GRIK5: variants seen among roughly 807,000 people sequenced by gnomAD.
GRIK5 encodes glutamate ionotropic receptor kainate type subunit 5, also known as glutamate receptor ionotropic, kainate 5.
In GRIK5, 43 loss-of-function variants were observed where a neutral mutation model predicts 97.4. The ratio of observed to expected loss-of-function variants is 0.44; its 90% CI spans 0.35 to 0.57. GRIK5 has a LOEUF of 0.57. Ranked by LOEUF, GRIK5 falls within the 20% of genes least tolerant of loss-of-function variation. The pLI is 0.01. For missense variants in GRIK5, 1,015 were observed against 1,382.0 expected, an observed-to-expected ratio of 0.73 and a Z score of 4.21; for synonymous variants, 580 against 583.5, an observed-to-expected ratio of 0.99 and a Z score of 0.09.
At chr19:42,001,858 G>C in intron 19 of GRIK5, 1 of 490,696 alleles carries the variant, frequency 2.0e-6, no homozygotes, top group African/African-American at 1.9e-5. Context: ...AGCACATAGT[G>C]GGTCTTAAGA....
intron 15 of GRIK5, among the ~76,000 whole-genome samples, chr19:42,010,926 C>T (rs2075553517): frequency 1.3e-5 from 2 of 152,104 alleles, no homozygotes; most frequent in Non-Finnish European, 1.5e-5. Context: ...CCACCTCAGC[C>T]TCCCACGGAG....
Position 42,065,056 on chromosome 19 carries a change from C to G in GRIK5, c.244+167G>C, listed in dbSNP as rs1020825844. Among the ~76,000 whole-genome samples, 1 of 152,238 alleles carries G rather than the reference C, an allele frequency of 6.6e-6. No individual in the cohort carries two copies. Among genetic ancestry groups the G allele is most frequent in the Non-Finnish European group, 1.5e-5 (1 of 68,038 alleles). ...TATGCTCTCCCTCCTCTCCAACCCC[C>G]AGGCCCAGCAGCAGCCATGTCTGGG... On this transcript the variant is annotated intron_variant, in intron 3 of 19. Coordinates refer to ENST00000593562, the MANE Select transcript of GRIK5 (RefSeq NM_002088.5). This position sits in a 1 kb window ranked among gnomAD's most constrained non-coding sequence, Gnocchi z 5.8.
At chr19:42,010,847 C>T (rs2075552749) in intron 15 of GRIK5, among the ~76,000 whole-genome samples, 1 of 152,130 alleles carries the variant, frequency 6.6e-6, no homozygotes, top group Non-Finnish European at 1.5e-5. Context: ...AGACAGGGTC[C>T]TGCTCTAGGG....
intron 15 of GRIK5, among the ~76,000 whole-genome samples, chr19:42,012,107 C>A (rs902707678): frequency 6.6e-6 from 1 of 152,142 alleles, no homozygotes; most frequent in Admixed American, 6.5e-5. Flanking sequence ...TTTGAACCAG[C>A]GGCTGGCTAA....
rs2075714073 is a variant in GRIK5 at position 42,022,571 on chromosome 19, C to T, written c.1474-217G>A. On this transcript the variant is annotated intron_variant, in intron 12 of 19. Transcript: ENST00000593562. This position sits in a 1 kb window ranked among gnomAD's most constrained non-coding sequence, Gnocchi z 4.2. ...TGTCCATCCTCATCATCTCACGTCT[C>T]CAGACACACTGACTCCGTCCCCTAG... 1.0e-6 allele frequency: 1 copy of T among 985,162 alleles called. No homozygotes were observed. Among genetic ancestry groups the T allele is most frequent in the Non-Finnish European group, 1.2e-6 (1 of 829,872 alleles). The allele number at this position is 985,162 out of a possible 1,614,324, so 61.0% of individuals were successfully genotyped here. A position where few individuals can be genotyped will look rare whatever the true frequency, so the allele number is the denominator to read the frequency against.
chr19:42,024,655 C>T (rs530761248), intron 12 of GRIK5, among the ~76,000 whole-genome samples: 2 of 152,332 alleles, frequency 1.3e-5, no homozygotes, highest in South Asian at 4.1e-4. Flanking sequence ...CCAACAGATC[C>T]TGCTCGGGTT....
rs1227355518 is a variant in GRIK5 at position 42,022,394 on chromosome 19, AG to A, written c.1474-41del. The A allele has an allele frequency of 6.4e-7, 1 of 1,552,078 alleles. No individual in the cohort carries two copies. Among genetic ancestry groups the A allele is most frequent in the African/African-American group, 1.4e-5 (1 of 73,322 alleles). On this transcript the variant is annotated intron_variant, in intron 12 of 19. Coordinates refer to ENST00000593562, the MANE Select transcript of GRIK5 (RefSeq NM_002088.5). This position sits in a 1 kb window ranked among gnomAD's most constrained non-coding sequence, Gnocchi z 4.2. Reference sequence around the variant, plus strand: ...GCCGGGCAGGGGTGGAGGGGGACAGAGGGGAAGACAGAAGTGGACAGTTAGA... The same window carrying A: ...GCCGGGCAGGGGTGGAGGGGGACAGAGGGAAGACAGAAGTGGACAGTTAGA...
intron 15 of GRIK5, among the ~76,000 whole-genome samples, chr19:42,015,327 G>A (rs950526790): frequency 7.9e-5 from 12 of 152,118 alleles, no homozygotes; most frequent in African/African-American, 2.9e-4. Flanking sequence ...ATAGAACACT[G>A]CACCACCAAC....
At chr19:42,059,617 G>C in intron 5 of GRIK5, 90 bp from the exon 6 acceptor site, 1 of 1,143,554 alleles carries the variant, frequency 8.7e-7, no homozygotes. Flanking sequence ...GGGGCAGCTG[G>C]GCAGAGGACT....
chr19:42,048,226 C>T (rs753882042), intron 11 of GRIK5, among the ~76,000 whole-genome samples: 46 of 152,058 alleles, frequency 3.0e-4, no homozygotes, highest in Non-Finnish European at 6.6e-4. Context: ...ATCCTTTTAT[C>T]CAAAATATAC....
rs532684438 is a variant in GRIK5 at position 42,062,212 on chromosome 19, C to T, written c.508+276G>A. On this transcript the variant is annotated intron_variant, in intron 5 of 19. Transcript: ENST00000593562. The surrounding 1 kb of genome is among the most constrained non-coding windows in gnomAD (Gnocchi z 5.3). Reference sequence around the variant, plus strand: ...AATGACCAATGACCTCCACTAGAACCGGAGTTCCAAGCACCCAGGGACCAC... The same window carrying T: ...AATGACCAATGACCTCCACTAGAACTGGAGTTCCAAGCACCCAGGGACCAC... Among the ~76,000 whole-genome samples, 4 of 152,186 alleles carry T rather than the reference C, an allele frequency of 2.6e-5. No homozygotes were observed. Among genetic ancestry groups the T allele is most frequent in the Non-Finnish European group, 4.4e-5 (3 of 68,036 alleles).
At position 42,062,451 on chromosome 19, in the gene GRIK5, G is replaced by T; in HGVS notation, c.508+37C>A. On this transcript the variant is annotated intron_variant, in intron 5 of 19. Transcript: ENST00000593562. This position sits in a 1 kb window ranked among gnomAD's most constrained non-coding sequence, Gnocchi z 5.3. ...CCAGATCTCTTGGGAAGGGGTGTCT[G>T]GGGGAACAGAAAACAAAACATTCAG... 6.2e-7 allele frequency: 1 copy of T among 1,607,748 alleles called. No individual in the cohort carries two copies. The highest frequency in any genetic ancestry group is 1.1e-5 in the South Asian group (1 of 90,702).
At position 42,054,598 on chromosome 19, in the gene GRIK5, G is replaced by A. The variant is rs899654072; in HGVS notation, c.904-126C>T. ...TCCCTCTCCCCAGGAATGGGAAACT[G>A]GGTGGGTCAGGAGTGAGGAAGTGGC... On this transcript the variant is annotated intron_variant, in intron 8 of 19. Transcript: ENST00000593562. 7.4e-6 allele frequency: 8 copies of A among 1,076,362 alleles called. No individual in the cohort carries two copies. The Admixed American group carries it at 1.6e-4, about 21-fold the overall frequency. 66.7% of individuals were successfully genotyped at this position (1,076,362 alleles called of 1,614,324 possible).
intron 8 of GRIK5, among the ~76,000 whole-genome samples, chr19:42,055,126 G>A (rs1420789759): frequency 6.6e-6 from 1 of 152,224 alleles, no homozygotes; most frequent in Non-Finnish European, 1.5e-5. Flanking sequence ...AAAGCACTCA[G>A]AACAGTGCCT....
intron 17 of GRIK5, among the ~76,000 whole-genome samples, chr19:42,005,252 A>AAC (rs1288416889): frequency 6.6e-6 from 1 of 150,724 alleles, no homozygotes; most frequent in South Asian, 2.1e-4. Context: ...AAAAAAAAAA[A>AAC]AAAAACAAAA....
chr19:42,063,208 C>A, intron 3 of GRIK5: 1 of 470,290 alleles, frequency 2.1e-6, no homozygotes, highest in Non-Finnish European at 4.2e-6. Context: ...TGCCACAACC[C>A]ACGGTGCACT....
chr19:42,044,493 T>C (rs1489778756), intron 11 of GRIK5, among the ~76,000 whole-genome samples: 4 of 152,188 alleles, frequency 2.6e-5, no homozygotes, highest in African/African-American at 9.7e-5. Context: ...GCAGAAAGAA[T>C]GGTCCAAGTG....
intron 11 of GRIK5, among the ~76,000 whole-genome samples, chr19:42,049,838 T>C (rs1393672507): frequency 6.6e-6 from 1 of 152,214 alleles, no homozygotes; most frequent in Non-Finnish European, 1.5e-5. Flanking sequence ...GACCCTTTCA[T>C]GAACCTGGGA....
chr19:42,050,006 T>C (rs1455498086), intron 11 of GRIK5, among the ~76,000 whole-genome samples: 1 of 152,116 alleles, frequency 6.6e-6, no homozygotes, highest in Non-Finnish European at 1.5e-5. Flanking sequence ...CTGGGCTCAC[T>C]GCAGCCTCAA....
Sources: gnomAD v4.1 joint callset for allele counts (sites outside exome capture counted in the v4.1 genomes callset) on GRCh38, gnomAD v4.1.1 for gene constraint, Gnocchi (gnomAD v3.1) non-coding constraint, MANE v1.5 for transcripts, NCBI Gene and HGNC (gene_info 2026-07-23, HGNC 2026-07-21) for gene names.